KIAA1549L: variants seen among roughly 807,000 people sequenced by gnomAD.
KIAA1549L encodes KIAA1549 like, also known as UPF0606 protein KIAA1549L.
Under a neutral mutation model 160.7 loss-of-function variants are expected in KIAA1549L, and 88 were observed. The ratio of observed to expected loss-of-function variants is 0.55; its 90% CI spans 0.46 to 0.65. The LOEUF (loss-of-function observed/expected upper bound fraction) is 0.65, where lower values mean the gene tolerates loss of function less well. Among genes scored for constraint, KIAA1549L ranks in the 30% least tolerant of loss-of-function variants. The pLI is 0.00. For synonymous variants in KIAA1549L, 950 were observed against 976.7 expected (o/e 0.97, Z 0.51); for missense variants, 2,258 against 2,437.5 (o/e 0.93, Z 1.55).
chr11:33,448,830 A>C (rs76744874), intron 1 of KIAA1549L, among the ~76,000 whole-genome samples: 1,696 of 152,308 alleles, frequency 0.011, 36 homozygotes, highest in African/African-American at 0.039. Context: ...GGTAATCTGA[A>C]AGTATGAACA....
At chr11:33,404,864 G>T (rs1165217525) in intron 1 of KIAA1549L, among the ~76,000 whole-genome samples, 3 of 151,864 alleles carry the variant, frequency 2.0e-5, no homozygotes, top group African/African-American at 7.3e-5. Context: ...CAAAAAATTA[G>T]CTGGGCATGG....
At position 33,645,744 on chromosome 11, in the gene KIAA1549L, A is replaced by G; in HGVS notation, c.5468A>G (p.Tyr1823Cys). The G allele has an allele frequency of 1.2e-6, 2 of 1,614,008 alleles. No individual in the cohort carries two copies. The highest frequency in any genetic ancestry group is 8.5e-7 in the Non-Finnish European group (1 of 1,179,878). Residue 1823 changes from tyrosine (Y) to cysteine (C), a missense_variant, in exon 17 of 21, where the codon TAT becomes TGT. By Grantham distance (194) the Tyr-to-Cys change is radical. Transcript: ENST00000658780. Reference sequence around the variant, plus strand: ...GACAGAGTTCCTGAGCCCCGGGGCTATTCCAGGTCTCGACAGGTGAAAGGC... The same window carrying G: ...GACAGAGTTCCTGAGCCCCGGGGCTGTTCCAGGTCTCGACAGGTGAAAGGC... ...NIDRVPEPRG[Y>C]SRSRQVKGHS...
At chr11:33,491,852 A>G (rs564279098) in intron 1 of KIAA1549L, among the ~76,000 whole-genome samples, 2 of 152,286 alleles carry the variant, frequency 1.3e-5, no homozygotes, top group African/African-American at 2.4e-5. Context: ...CAAAGAGGGC[A>G]TGGCCATCAA....
intron 16 of KIAA1549L, among the ~76,000 whole-genome samples, chr11:33,631,877 A>C (rs531464402): frequency 2.6e-5 from 4 of 152,214 alleles, no homozygotes; most frequent in African/African-American, 9.6e-5. Flanking sequence ...ACTGGCACAC[A>C]GTAGATGCGG....
chr11:33,599,050 T>C, intron 13 of KIAA1549L, 103 bp downstream of exon 13: 1 of 1,366,840 alleles, frequency 7.3e-7, no homozygotes, highest in Non-Finnish European at 1.0e-6. Context: ...GCCACTGGGC[T>C]CTGACCCTCA....
chr11:33,409,709 C>G (rs1850748308), intron 1 of KIAA1549L, among the ~76,000 whole-genome samples: 1 of 151,682 alleles, frequency 6.6e-6, no homozygotes, highest in Non-Finnish European at 1.5e-5. Context: ...TCATCCATCC[C>G]CTTTCTCAAT....
intron 1 of KIAA1549L, among the ~76,000 whole-genome samples, chr11:33,509,667 G>A (rs1271161561): frequency 6.6e-6 from 1 of 152,188 alleles, no homozygotes; most frequent in Non-Finnish European, 1.5e-5. Context: ...AGCCTTAGCT[G>A]ATCTGCATAA....
chr11:33,424,914 T>TA (rs1851086842), intron 1 of KIAA1549L, among the ~76,000 whole-genome samples: 2 of 152,208 alleles, frequency 1.3e-5, no homozygotes, highest in African/African-American at 4.8e-5. Flanking sequence ...CTGGCCTCTG[T>TA]ACAGAGGGCA....
rs937825167 is a variant in KIAA1549L at position 33,544,293 on chromosome 11, C to T, written c.2730C>T (p.Ser910=). ...SISTSVFPRT[S]SRVLRASQHP... Reference sequence around the variant, plus strand: ...CGACCAGTGTCTTTCCCAGGACCTCCTCCAGAGTGCTGCGGGCTTCTCAGC... The same window carrying T: ...CGACCAGTGTCTTTCCCAGGACCTCTTCCAGAGTGCTGCGGGCTTCTCAGC... Residue 910 remains serine (S), a synonymous_variant, in exon 2 of 21, where the codon TCC becomes TCT. Coordinates refer to ENST00000658780, the MANE Select transcript of KIAA1549L (RefSeq NM_012194.3). 1.2e-6 allele frequency: 2 copies of T among 1,613,882 alleles called. No homozygotes were observed. Among genetic ancestry groups the T allele is most frequent in the African/African-American group, 2.7e-5 (2 of 74,932 alleles).
intron 1 of KIAA1549L, among the ~76,000 whole-genome samples, chr11:33,452,894 T>A (rs907203042): frequency 1.3e-5 from 2 of 152,212 alleles, no homozygotes; most frequent in African/African-American, 4.8e-5. Context: ...GTGGGACCAG[T>A]GGCTCTGTAT....
chr11:33,626,145 C>T (rs1416025269), intron 16 of KIAA1549L, among the ~76,000 whole-genome samples: 1 of 148,440 alleles, frequency 6.7e-6, no homozygotes. Flanking sequence ...CAGTACCATG[C>T]TGTTTTGGTT....
chr11:33,544,240 T>C lies in KIAA1549L; in HGVS notation c.2677T>C (p.Tyr893His). ...ASTPFQNILG[Y>H]HSAAESSIST... is the part of the protein sequence containing the mutation. ...CACACCATTCCAGAACATCTTGGGA[T>C]ATCACTCTGCTGCTGAATCTTCTAT... Residue 893 changes from tyrosine (Y) to histidine (H), a missense_variant, in exon 2 of 21, where the codon TAT becomes CAT. Transcript: ENST00000658780. The C allele has an allele frequency of 6.2e-7, 1 of 1,614,032 alleles. No individual in the cohort carries two copies. Among genetic ancestry groups the C allele is most frequent in the Admixed American group, 1.7e-5 (1 of 60,026 alleles).
chr11:33,479,730 C>T (rs1387565409), intron 1 of KIAA1549L, among the ~76,000 whole-genome samples: 4 of 152,024 alleles, frequency 2.6e-5, no homozygotes, highest in African/African-American at 7.2e-5. Flanking sequence ...TTGAGGGGTG[C>T]GTTTTTAGCA....
chr11:33,594,877 G>T (rs915148970), intron 12 of KIAA1549L, among the ~76,000 whole-genome samples: 1 of 152,218 alleles, frequency 6.6e-6, no homozygotes, highest in African/African-American at 2.4e-5. Flanking sequence ...ATTACCTACA[G>T]CTATTATTCT....
At chr11:33,458,610 A>G (rs1346508572) in intron 1 of KIAA1549L, among the ~76,000 whole-genome samples, 1 of 152,242 alleles carries the variant, frequency 6.6e-6, no homozygotes, top group Non-Finnish European at 1.5e-5. Flanking sequence ...GGTGTGTTAC[A>G]CAGAGCAGGA....
At position 33,645,780 on chromosome 11, in the gene KIAA1549L, C is replaced by A. The variant is rs764388362; in HGVS notation, c.5504C>A (p.Thr1835Asn). 8.1e-6 allele frequency: 13 copies of A among 1,613,924 alleles called. No homozygotes were observed. Among genetic ancestry groups the A allele is most frequent in the Non-Finnish European group, 1.0e-5 (12 of 1,179,866 alleles). ...CGACAGGTGAAAGGCCACTCGGAGA[C>A]CTCCACACTGAGCTCCCAGCCATCC... ...RSRQVKGHSE[T>N]STLSSQPSID... The change falls in exon 17 of 21, where the codon ACC becomes AAC. Residue 1835 changes from threonine to asparagine, a missense_variant. Transcript: ENST00000658780.
intron 1 of KIAA1549L, among the ~76,000 whole-genome samples, chr11:33,465,995 A>G (rs1306997178): frequency 6.6e-6 from 1 of 152,228 alleles, no homozygotes; most frequent in African/African-American, 2.4e-5. Context: ...ACAAAAGCCT[A>G]CTTGTTAATC....
At chr11:33,393,004 C>G (rs1850300647) in intron 1 of KIAA1549L, among the ~76,000 whole-genome samples, 1 of 152,176 alleles carries the variant, frequency 6.6e-6, no homozygotes. Flanking sequence ...AGTCTTGTCC[C>G]CCTTTAAACC....
chr11:33,577,733 G>A (rs569483069), intron 10 of KIAA1549L, among the ~76,000 whole-genome samples: 5 of 152,226 alleles, frequency 3.3e-5, no homozygotes, highest in South Asian at 2.1e-4. Context: ...AAAAAGTGCC[G>A]GAAGATTGAC....
Sources: allele counts gnomAD v4.1 joint callset (sites outside exome capture counted in the v4.1 genomes callset), GRCh38; gene constraint gnomAD v4.1.1; transcripts MANE v1.5; gene names NCBI Gene and HGNC (gene_info 2026-07-23, HGNC 2026-07-21).